Variants in SCD observed in about 807,000 individuals in gnomAD.
The protein encoded by SCD is stearoyl-CoA desaturase.
SCD carries 4 observed loss-of-function variants against 35.7 expected under a neutral mutation model. The ratio of observed to expected loss-of-function variants is 0.11; its 90% CI spans 0.06 to 0.26. SCD has a LOEUF of 0.26. Among genes scored for constraint, SCD ranks in the 10% least tolerant of loss-of-function variants. SCD has a pLI of 1.00. For synonymous variants in SCD, 150 were observed against 170.2 expected, an observed-to-expected ratio of 0.88 and a Z score of 0.92; for missense variants, 282 against 460.7, an observed-to-expected ratio of 0.61 and a Z score of 3.55.
rs1216545345 is a variant in SCD, at chr10:100,347,459, G to A, written c.-46G>A. On this transcript the variant is annotated 5_prime_UTR_variant, in exon 1 of 6. Transcript: ENST00000370355. ...CTCCGGCGACCCCGAACTCCGCTCC[G>A]GAGCCTCAGCCCCCTGGAAAGTGAT... 2.5e-6 allele frequency: 4 copies of A among 1,609,490 alleles called. No homozygotes were observed. The highest frequency in any genetic ancestry group is 1.7e-5 in the Admixed American group (1 of 59,558).
chr10:100,351,207 C>T (rs943414887), intron 2 of SCD, among the ~76,000 whole-genome samples: 3 of 152,228 alleles, frequency 2.0e-5, no homozygotes, highest in Non-Finnish European at 2.9e-5. Context: ...GATATGGGGA[C>T]GCCCAGCAGC....
At position 100,352,473 on chromosome 10, in the gene SCD, A is replaced by C. The variant is rs1849882581; in HGVS notation, c.418A>C (p.Ile140Leu). Residue 140 changes from isoleucine to leucine, a missense_variant, in exon 3 of 6, where the codon ATT (isoleucine) becomes CTT (leucine). Physicochemically the swap from Ile to Leu is conservative, Grantham distance 5. Transcript: ENST00000370355. The surrounding 1 kb of genome is among the most constrained non-coding windows in gnomAD (Gnocchi z 4.2). The stretch of plus-strand genomic sequence containing the variant: ...GCTGCCCCTACGGCTCTTTCTGATC[A>C]TTGCCAACACAATGGCATTCCAGGT... ...ARLPLRLFLI[I>L]ANTMAFQNDV... is the part of the protein sequence containing the mutation. 1 of 1,613,998 alleles carries C rather than the reference A, an allele frequency of 6.2e-7. No individual in the cohort carries two copies. Among genetic ancestry groups the C allele is most frequent in the Non-Finnish European group, 8.5e-7 (1 of 1,180,008 alleles).
chr10:100,350,429 G>C (rs1849858817), intron 2 of SCD, among the ~76,000 whole-genome samples: 1 of 152,010 alleles, frequency 6.6e-6, no homozygotes. Context: ...TTTCATTTTG[G>C]AGTCTCCCAA....
Position 100,352,548 on chromosome 10 carries a change from G to T in SCD, c.441+52G>T, listed in dbSNP as rs758458595. 6.3e-7 allele frequency: 1 copy of T among 1,575,952 alleles called. No homozygotes were observed. Among genetic ancestry groups the T allele is most frequent in the South Asian group, 1.1e-5 (1 of 89,916 alleles). On this transcript the variant is annotated intron_variant, in intron 3 of 5. Coordinates refer to ENST00000370355, the MANE Select transcript of SCD (RefSeq NM_005063.5). The surrounding 1 kb of genome is among the most constrained non-coding windows in gnomAD (Gnocchi z 4.2). ...TTGTCCTCCACACTATTAATGATCC[G>T]GGGACAGAAAGGAGGGATCAGCACC...
intron 2 of SCD, among the ~76,000 whole-genome samples, chr10:100,351,759 A>G (rs1299081954): frequency 6.6e-6 from 1 of 151,940 alleles, no homozygotes; most frequent in Non-Finnish European, 1.5e-5. Flanking sequence ...TCCCACCTCA[A>G]CCTCTTGAGT....
In SCD at chr10:100,354,310, C is replaced by T. The variant is rs551092922; in HGVS notation, c.442-117C>T. The T allele has an allele frequency of 8.7e-4, 750 of 859,840 alleles. 3 individuals carry two copies. Among genetic ancestry groups the T allele is most frequent in the Non-Finnish European group, 7.6e-4 (408 of 534,548 alleles). The allele number at this position is 859,840 out of a possible 1,614,324, so 53.3% of individuals were successfully genotyped here. A position where few individuals can be genotyped will look rare whatever the true frequency, so the allele number is the denominator to read the frequency against. On this transcript the variant is annotated intron_variant, in intron 3 of 5. Transcript: ENST00000370355. Reference sequence around the variant, plus strand: ...CCATGACTCCTTTGGAGCCCAGATTCCTGGGTATTTTGTGAGGTTGGGCTG... The same window carrying T: ...CCATGACTCCTTTGGAGCCCAGATTTCTGGGTATTTTGTGAGGTTGGGCTG...
chr10:100,351,758 A>G (rs1178042225), intron 2 of SCD, among the ~76,000 whole-genome samples: 2 of 152,080 alleles, frequency 1.3e-5, no homozygotes, highest in African/African-American at 2.4e-5. Flanking sequence ...CTCCCACCTC[A>G]ACCTCTTGAG....
In SCD at chr10:100,356,884, A is replaced by G; in HGVS notation, c.880+120A>G. ...GGCTACTTTGTATCTCAGTTTTTCCACTATAAAATTAGGGGGCAGTATACT... is the reference window on the plus strand; with the variant it reads ...GGCTACTTTGTATCTCAGTTTTTCCGCTATAAAATTAGGGGGCAGTATACT... On this transcript the variant is annotated intron_variant, in intron 5 of 5. Transcript: ENST00000370355. This position sits in a 1 kb window ranked among gnomAD's most constrained non-coding sequence, Gnocchi z 4.1. 1 of 773,948 alleles carries G rather than the reference A, an allele frequency of 1.3e-6. No individual in the cohort carries two copies. Among genetic ancestry groups the G allele is most frequent in the Non-Finnish European group, 2.1e-6 (1 of 473,222 alleles). The allele number at this position is 773,948 out of a possible 1,614,324, so 47.9% of individuals were successfully genotyped here. A position where few individuals can be genotyped will look rare whatever the true frequency, so the allele number is the denominator to read the frequency against.
In SCD at chr10:100,347,387, A is replaced by G; in HGVS notation, c.-118A>G. On this transcript the variant is annotated 5_prime_UTR_variant, in exon 1 of 6. Coordinates refer to ENST00000370355, the MANE Select transcript of SCD (RefSeq NM_005063.5). ...TAGCGCCGACAACCAGCTAGCGTGC[A>G]AGGCGCCGCGGCTCAGCGCGTACCG... 8.6e-7 allele frequency: 1 copy of G among 1,158,144 alleles called. No individual in the cohort carries two copies. The highest frequency in any genetic ancestry group is 1.3e-6 in the Non-Finnish European group (1 of 785,086). 71.7% of individuals were successfully genotyped at this position (1,158,144 alleles called of 1,614,324 possible). A position where few individuals can be genotyped will look rare whatever the true frequency, so the allele number is the denominator to read the frequency against.
intron 1 of SCD, 94 bp from the exon 2 acceptor site, chr10:100,347,970 G>C: frequency 7.7e-7 from 1 of 1,292,512 alleles, no homozygotes; most frequent in African/African-American, 1.5e-5. Flanking sequence ...GGTCCGTACT[G>C]TCCACCCTTC....
chr10:100,347,613 AGG>A, intron 1 of SCD, 82 bp downstream of exon 1: 1 of 1,499,300 alleles, frequency 6.7e-7, no homozygotes, highest in Non-Finnish European at 9.2e-7. Context: ...GGCAGAAGAG[AGG>A]GGAGAGCTCC....
intron 2 of SCD, among the ~76,000 whole-genome samples, chr10:100,351,737 C>T (rs1439457233): frequency 1.3e-5 from 2 of 152,088 alleles, no homozygotes; most frequent in African/African-American, 4.8e-5. Flanking sequence ...ACCTCCTGAG[C>T]TCAAGAGATC....
chr10:100,359,777 C>T (rs1294262384), intron 5 of SCD, among the ~76,000 whole-genome samples: 1 of 152,166 alleles, frequency 6.6e-6, no homozygotes, highest in Non-Finnish European at 1.5e-5. Context: ...TTTATCCATG[C>T]CTGATTAGGG....
At position 100,352,420 on chromosome 10, in the gene SCD, T is replaced by A. The variant is rs1849881977; in HGVS notation, c.365T>A (p.Leu122Gln). 1 of 1,614,004 alleles carries A rather than the reference T, an allele frequency of 6.2e-7. No homozygotes were observed. Among genetic ancestry groups the A allele is most frequent in the Non-Finnish European group, 8.5e-7 (1 of 1,180,006 alleles). The change falls in exon 3 of 6, where the codon CTG becomes CAG. Residue 122 changes from leucine (L) to glutamine (Q), a missense_variant. Leu to Gln is a moderately radical substitution (Grantham distance 113). This residue lies in a region of SCD where 205 missense variants were observed against 372.3 expected (regional missense o/e 0.55). Coordinates refer to ENST00000370355, the MANE Select transcript of SCD (RefSeq NM_005063.5). The surrounding 1 kb of genome is among the most constrained non-coding windows in gnomAD (Gnocchi z 4.2). The part of the protein sequence containing the change: ...ALGITAGAHR[L>Q]WSHRSYKARL... ...GGCATAACAGCAGGAGCTCATCGTCTGTGGAGCCACCGCTCTTACAAAGCT... is the reference window on the plus strand; with the variant it reads ...GGCATAACAGCAGGAGCTCATCGTCAGTGGAGCCACCGCTCTTACAAAGCT...
chr10:100,353,493 G>A (rs1849892823), intron 3 of SCD, among the ~76,000 whole-genome samples: 1 of 151,460 alleles, frequency 6.6e-6, no homozygotes. Context: ...GCTGAGGCAG[G>A]AGAATGGTGT....
chr10:100,353,855 T>C (rs1269225095), intron 3 of SCD, among the ~76,000 whole-genome samples: 1 of 152,222 alleles, frequency 6.6e-6, no homozygotes, highest in Non-Finnish European at 1.5e-5. Context: ...GAGATATTGG[T>C]ACATTCTTTA....
At chr10:100,358,771 C>T (rs1386933877) in intron 5 of SCD, among the ~76,000 whole-genome samples, 1 of 113,718 alleles carries the variant, frequency 8.8e-6, no homozygotes, top group Non-Finnish European at 1.8e-5. Context: ...AAAAAAAGTA[C>T]AAAAAACTTA....
rs201874964 is a variant in SCD, at chr10:100,364,522, G to A, written c.*3589G>A. ...GGAATGTCCACCATGAACTTGATAC[G>A]TCCGTGTGTCCCAGATGCTGTCATT... is the stretch of plus-strand genomic sequence containing the variant. On this transcript the variant is annotated 3_prime_UTR_variant, in exon 6 of 6. Coordinates refer to ENST00000370355, the MANE Select transcript of SCD (RefSeq NM_005063.5). The A allele has an allele frequency of 8.5e-5, 13 of 152,532 alleles. No individual in the cohort carries two copies. The highest frequency in any genetic ancestry group is 2.7e-4 in the African/African-American group (11 of 41,414). 9.4% of individuals were successfully genotyped at this position (152,532 alleles called of 1,614,324 possible). A position where few individuals can be genotyped will look rare whatever the true frequency, so the allele number is the denominator to read the frequency against.
intron 2 of SCD, among the ~76,000 whole-genome samples, chr10:100,350,278 C>G (rs1849856822): frequency 6.6e-6 from 1 of 152,146 alleles, no homozygotes; most frequent in Non-Finnish European, 1.5e-5. Context: ...GAGGTCTCAA[C>G]TTGGACATCT....
Sources: allele counts gnomAD v4.1 joint callset (sites outside exome capture counted in the v4.1 genomes callset), GRCh38; gene constraint gnomAD v4.1.1; regional missense constraint gnomAD v4.1.1; non-coding constraint Gnocchi (gnomAD v3.1); transcripts MANE v1.5; gene names NCBI Gene and HGNC (gene_info 2026-07-23, HGNC 2026-07-21).